Variants in ZNF875 observed in about 807,000 individuals in gnomAD.
ZNF875 encodes HKR1, GLI-Kruppel zinc finger family member.
ZNF875 carries 14 observed loss-of-function variants against 11.2 expected under a neutral mutation model. The observed-to-expected ratio is 1.26, with a 90% confidence interval of 0.83 to 1.96. The LOEUF (loss-of-function observed/expected upper bound fraction) is 1.96. Ranked by LOEUF, ZNF875 falls within the 30% of genes most tolerant of loss-of-function variation. The pLI is 0.00. For missense variants in ZNF875, 752 were observed against 760.4 expected (o/e 0.99, Z 0.13); for synonymous variants, 301 against 281.1 (o/e 1.07, Z -0.71).
upstream of ZNF875, among the ~76,000 whole-genome samples, chr19:37,317,559 C>A (rs1486044528): frequency 6.6e-6 from 1 of 152,190 alleles, no homozygotes; most frequent in African/African-American, 2.4e-5. Context: ...CCAGGTGGGA[C>A]GGTCTCCAGC....
intron 1 of ZNF875, among the ~76,000 whole-genome samples, chr19:37,321,788 G>C (rs1375410390): frequency 6.6e-5 from 10 of 152,156 alleles, no homozygotes; most frequent in Admixed American, 6.5e-4. Flanking sequence ...CAGGATCGGG[G>C]AGAGAGGACA....
At chr19:37,349,844 G>A (rs2037496688) in intron 4 of ZNF875, among the ~76,000 whole-genome samples, 2 of 151,870 alleles carry the variant, frequency 1.3e-5, no homozygotes, top group African/African-American at 2.4e-5. Context: ...TAGTAGAGAC[G>A]GGGTTTCACC....
chr19:37,318,953 A>G (rs1001479319), intron 1 of ZNF875, among the ~76,000 whole-genome samples: 1 of 151,960 alleles, frequency 6.6e-6, no homozygotes, highest in African/African-American at 2.4e-5. Context: ...TTGAAATCTA[A>G]TTTTTGGGGC....
At chr19:37,338,086 G>T (rs191284316) in intron 2 of ZNF875, among the ~76,000 whole-genome samples, 13 of 152,268 alleles carry the variant, frequency 8.5e-5, no homozygotes, top group Non-Finnish European at 1.9e-4. Context: ...ATCCAATTCA[G>T]GACATTTCCC....
At chr19:37,319,501 TGAA>T (rs2030931910) in intron 1 of ZNF875, among the ~76,000 whole-genome samples, 1 of 151,884 alleles carries the variant, frequency 6.6e-6, no homozygotes, top group Non-Finnish European at 1.5e-5. Context: ...TCATGAAGTG[TGAA>T]GATTTGGTGC....
intron 2 of ZNF875, chr19:37,344,726 C>T (rs1161629857): frequency 6.2e-7 from 1 of 1,613,294 alleles, no homozygotes; most frequent in Non-Finnish European, 8.5e-7. Flanking sequence ...TCCCTACATG[C>T]ATGGTTCACA....
At position 37,362,484 on chromosome 19, in the gene ZNF875, C is replaced by CA; in HGVS notation, c.633dup (p.Asp212ArgfsTer18). 1 of 1,614,194 alleles carries CA rather than the reference C, an allele frequency of 6.2e-7. No homozygotes were observed. The highest frequency in any genetic ancestry group is 8.5e-7 in the Non-Finnish European group (1 of 1,180,032). On this transcript the variant is annotated frameshift_variant, in exon 5 of 5. Transcript: ENST00000392153. LOFTEE classifies it low-confidence loss of function (END_TRUNC). ...GAACGGAGGGCAGATCTAGAGGAAA[C>CA]AGACAAAGTATTGCATGGTTTAGAA... is the stretch of plus-strand genomic sequence containing the variant.
chr19:37,345,771 C>T (rs967382592), intron 2 of ZNF875, among the ~76,000 whole-genome samples: 2 of 152,052 alleles, frequency 1.3e-5, no homozygotes, highest in African/African-American at 4.8e-5. Context: ...TCAAATTAAA[C>T]CCCTCTATGG....
In ZNF875 at chr19:37,362,827, CTT is replaced by C. The variant is rs1425643449; in HGVS notation, c.977_978del (p.Phe326TyrfsTer22). 2 of 1,613,748 alleles carry C rather than the reference CTT, an allele frequency of 1.2e-6. No homozygotes were observed. Among genetic ancestry groups the C allele is most frequent in the Non-Finnish European group, 1.7e-6 (2 of 1,179,920 alleles). ...GRGFTWKSNL[F>X]THQRTHSGLK... ...GAGGCTTTACTTGGAAGTCGAACCT[CTT>C]TACACATCAGCGGACACACTCAGGG... is the stretch of plus-strand genomic sequence containing the variant. On this transcript the variant is annotated frameshift_variant, in exon 5 of 5. Coordinates refer to ENST00000392153, the MANE Select transcript of ZNF875 (RefSeq NM_001353803.2). LOFTEE classifies it low-confidence loss of function (END_TRUNC).
rs1436919705 is a variant in ZNF875, at chr19:37,363,893, G to T, written c.*118G>T. 1.3e-6 allele frequency: 1 copy of T among 757,986 alleles called. No homozygotes were observed. Among genetic ancestry groups the T allele is most frequent in the Non-Finnish European group, 2.2e-6 (1 of 452,660 alleles). The allele number at this position is 757,986 out of a possible 1,614,324, so 47.0% of individuals were successfully genotyped here. On this transcript the variant is annotated 3_prime_UTR_variant, in exon 5 of 5. Transcript: ENST00000392153. ...TCAGCCATTGCTAGATACCAAAGTG[G>T]AGACATTCTGTGTGTGATTATGCAT...
In ZNF875 at chr19:37,362,572, C is replaced by T. The variant is rs769576840; in HGVS notation, c.720C>T (p.Asn240=). 1.2e-6 allele frequency: 2 copies of T among 1,614,116 alleles called. No homozygotes were observed. Among genetic ancestry groups the T allele is most frequent in the Admixed American group, 3.3e-5 (2 of 60,020 alleles). The change falls in exon 5 of 5, where the codon AAC becomes AAT. Residue 240 remains asparagine (N), a synonymous_variant. Coordinates refer to ENST00000392153, the MANE Select transcript of ZNF875 (RefSeq NM_001353803.2). ...GGCCAGGCTTTATCAAGGAGTCAAA[C>T]CTCCTTAGCCTCCAGAAGACACAAA... is the stretch of plus-strand genomic sequence containing the variant. The part of the protein sequence containing the change: ...EFGPGFIKES[N]LLSLQKTQTG...
Position 37,363,545 on chromosome 19 carries a change from T to C in ZNF875, c.1693T>C (p.Cys565Arg). The change falls in exon 5 of 5, where the codon TGT becomes CGT. Residue 565 changes from cysteine (C) to arginine (R), a missense_variant. By Grantham distance (180) the Cys-to-Arg change is radical. Transcript: ENST00000392153. ...AHSGAFVCRE[C>R]GQGFCAKLTL... ...CTCAGGTGCCTTTGTGTGCAGGGAG[T>C]GTGGGCAAGGCTTTTGTGCTAAGTT... is the stretch of plus-strand genomic sequence containing the variant. 1 of 1,612,048 alleles carries C rather than the reference T, an allele frequency of 6.2e-7. No individual in the cohort carries two copies. The highest frequency in any genetic ancestry group is 8.5e-7 in the Non-Finnish European group (1 of 1,179,348).
rs377264603 is a variant in ZNF875, at chr19:37,347,814, G to A, written c.198G>A (p.Leu66=). Reference sequence around the variant, plus strand: ...CTAAACCAAAACTCATTGCTCAGCTGGAGCGAGGGGAAGCGCCCTGGAGAG... The same window carrying A: ...CTAAACCAAAACTCATTGCTCAGCTAGAGCGAGGGGAAGCGCCCTGGAGAG... The part of the protein sequence containing the change: ...PSSKPKLIAQ[L]ERGEAPWREE... Residue 66 remains leucine (L), a synonymous_variant, in exon 4 of 5, where the codon CTG becomes CTA. Coordinates refer to ENST00000392153, the MANE Select transcript of ZNF875 (RefSeq NM_001353803.2). 5.6e-6 allele frequency: 9 copies of A among 1,613,424 alleles called. No individual in the cohort carries two copies. Among genetic ancestry groups the A allele is most frequent in the Non-Finnish European group, 7.6e-6 (9 of 1,179,494 alleles).
chr19:37,319,135 C>T (rs2030751798), intron 1 of ZNF875, among the ~76,000 whole-genome samples: 3 of 151,050 alleles, frequency 2.0e-5, no homozygotes, highest in African/African-American at 7.3e-5. Flanking sequence ...CAACCTCCGC[C>T]TCACGGGTTC....
chr19:37,335,460 A>G lies in ZNF875; in HGVS notation c.33+203A>G, dbSNP rs796377200. On this transcript the variant is annotated intron_variant, in intron 2 of 4. Coordinates refer to ENST00000392153, the MANE Select transcript of ZNF875 (RefSeq NM_001353803.2). Reference sequence around the variant, plus strand: ...GTTCAGGGCGCCACTTGTAACCTGCACGGACCTGGTGGACTGAACAAAAGG... The same window carrying G: ...GTTCAGGGCGCCACTTGTAACCTGCGCGGACCTGGTGGACTGAACAAAAGG... Among the ~76,000 whole-genome samples, 5 of 152,174 alleles carry G rather than the reference A, an allele frequency of 3.3e-5. No homozygotes were observed. In the South Asian group the frequency reaches 1.0e-3, roughly 32 times the overall value.
intron 4 of ZNF875, among the ~76,000 whole-genome samples, chr19:37,328,147 G>A (rs2032818501): frequency 6.6e-6 from 1 of 152,110 alleles, no homozygotes; most frequent in Admixed American, 6.5e-5. Flanking sequence ...GACTGAGACA[G>A]GAGAATCACT....
chr19:37,326,991 A>G (rs2032561998), intron 4 of ZNF875, among the ~76,000 whole-genome samples: 4 of 149,718 alleles, frequency 2.7e-5, no homozygotes, highest in African/African-American at 9.8e-5. Context: ...TTATTTTATT[A>G]TTATAATTTT....
chr19:37,360,466 C>A (rs2039711007), intron 4 of ZNF875, among the ~76,000 whole-genome samples: 1 of 152,100 alleles, frequency 6.6e-6, no homozygotes, highest in South Asian at 2.1e-4. Flanking sequence ...GGGAAAAAAA[C>A]CAAAAGCCTG....
At chr19:37,355,580 A>T (rs1428913744) in intron 4 of ZNF875, among the ~76,000 whole-genome samples, 6 of 152,160 alleles carry the variant, frequency 3.9e-5, no homozygotes, top group Admixed American at 2.6e-4. Context: ...CTTAACTTTG[A>T]TACAGTCATT....
Sources: gnomAD v4.1 joint callset for allele counts (sites outside exome capture counted in the v4.1 genomes callset) on GRCh38, gnomAD v4.1.1 for gene constraint, MANE v1.5 for transcripts, NCBI Gene and HGNC (gene_info 2026-07-23, HGNC 2026-07-21) for gene names.